The following SP4 variants were observed in gnomAD, a reference collection of about 807,000 sequenced individuals.
The protein encoded by SP4 is Sp4 transcription factor, also known as transcription factor Sp4.
In SP4, 19 loss-of-function variants were observed where a neutral mutation model predicts 72.8. The observed-to-expected ratio is 0.26, with a 90% CI of 0.18 to 0.38. The LOEUF (loss-of-function observed/expected upper bound fraction) is 0.38. Ranked by LOEUF, SP4 falls within the 10% of genes least tolerant of loss-of-function variation. SP4 has a pLI of 1.00. For missense variants in SP4, 1,008 were observed against 926.3 expected (o/e 1.09, Z -1.14); for synonymous variants, 395 against 333.1 (o/e 1.19, Z -2.02).
chr7:21,428,176 T>TCCAACCC lies in SP4; in HGVS notation c.-74_-73insAACCCCC. On this transcript the variant is annotated 5_prime_UTR_variant, in exon 1 of 6. Coordinates refer to ENST00000222584, the MANE Select transcript of SP4 (RefSeq NM_003112.5). The stretch of plus-strand genomic sequence containing the variant: ...ACCGCGGGCGGGCGGGACCGGCCTC[T>TCCAACCC]CCTCCCGCCTCGCCCCCACCCCCAC... The TCCAACCC allele has an allele frequency of 1.4e-6, 1 of 718,778 alleles. No homozygotes were observed. Among genetic ancestry groups the TCCAACCC allele is most frequent in the Non-Finnish European group, 2.5e-6 (1 of 396,142 alleles). 44.5% of individuals were successfully genotyped at this position (718,778 alleles called of 1,614,324 possible). A position where few individuals can be genotyped will look rare whatever the true frequency, so the allele number is the denominator to read the frequency against.
chr7:21,486,915 T>A (rs1784830009), intron 5 of SP4, among the ~76,000 whole-genome samples: 1 of 152,186 alleles, frequency 6.6e-6, no homozygotes, highest in Non-Finnish European at 1.5e-5. Context: ...TGGGGGGCTT[T>A]TTTACAAATA....
intron 5 of SP4, among the ~76,000 whole-genome samples, chr7:21,506,754 G>T (rs1782008742): frequency 6.6e-6 from 1 of 152,150 alleles, no homozygotes; most frequent in African/African-American, 2.4e-5. Context: ...AAAAGGCATT[G>T]CCCTACTGGG....
intron 3 of SP4, among the ~76,000 whole-genome samples, chr7:21,457,388 C>T (rs146268115): frequency 6.6e-5 from 10 of 152,128 alleles, no homozygotes; most frequent in Non-Finnish European, 1.2e-4. Flanking sequence ...ATAGTGCTAT[C>T]ATCTTCGCTT....
intron 3 of SP4, among the ~76,000 whole-genome samples, chr7:21,473,020 G>C (rs575091787): frequency 8.5e-5 from 13 of 152,212 alleles, no homozygotes; most frequent in Non-Finnish European, 1.9e-4. Context: ...TTGAATGCCA[G>C]ACTTTGGTCG....
intron 3 of SP4, among the ~76,000 whole-genome samples, chr7:21,474,189 A>C (rs897572228): frequency 1.3e-5 from 2 of 152,242 alleles, no homozygotes; most frequent in East Asian, 1.9e-4. Context: ...CCCCAGACTT[A>C]GCTTTGACTT....
chr7:21,510,899 G>A, intron 5 of SP4, 123 bp from the exon 6 acceptor site: 3 of 886,370 alleles, frequency 3.4e-6, no homozygotes, highest in Non-Finnish European at 5.0e-6. Flanking sequence ...ATAAAACAAA[G>A]CATTTTGCAA....
chr7:21,441,796 G>C (rs1783252147), intron 3 of SP4, among the ~76,000 whole-genome samples: 1 of 152,080 alleles, frequency 6.6e-6, no homozygotes, highest in South Asian at 2.1e-4. Flanking sequence ...GACATGGTAA[G>C]GGATTAGGTA....
intron 1 of SP4, 30 bp from the exon 2 acceptor site, chr7:21,428,647 G>C (rs890440113): frequency 1.5e-5 from 22 of 1,500,350 alleles, no homozygotes; most frequent in Non-Finnish European, 2.0e-5. Context: ...ACCTGTTGTC[G>C]TGTGTGTGTG....
chr7:21,482,645 T>C (rs1013174193), intron 5 of SP4: 1 of 984,786 alleles, frequency 1.0e-6, no homozygotes, highest in African/African-American at 1.7e-5. Flanking sequence ...ATGTTTACCC[T>C]TTCACCTTTC....
chr7:21,454,624 C>T (rs1346399330), intron 3 of SP4, among the ~76,000 whole-genome samples: 1 of 152,162 alleles, frequency 6.6e-6, no homozygotes, highest in Non-Finnish European at 1.5e-5. Flanking sequence ...GAAGGGGGAG[C>T]AGATGAGGTT....
intron 3 of SP4, among the ~76,000 whole-genome samples, chr7:21,443,328 C>T (rs1203340247): frequency 1.3e-5 from 2 of 151,852 alleles, no homozygotes; most frequent in Non-Finnish European, 2.9e-5. Context: ...AGAGAGTTTA[C>T]GATCGTAAAA....
At chr7:21,497,393 G>T (rs937575842) in intron 5 of SP4, among the ~76,000 whole-genome samples, 3 of 152,210 alleles carry the variant, frequency 2.0e-5, no homozygotes, top group Admixed American at 1.3e-4. Flanking sequence ...TACAAAGCTT[G>T]CTGTTCTTAC....
chr7:21,492,170 A>T (rs999856538), intron 5 of SP4, among the ~76,000 whole-genome samples: 5 of 152,334 alleles, frequency 3.3e-5, no homozygotes, highest in Admixed American at 6.5e-5. Context: ...GCCAATAGTT[A>T]AAAAGCTGCT....
At chr7:21,463,869 A>G (rs953609738) in intron 3 of SP4, among the ~76,000 whole-genome samples, 1 of 152,200 alleles carries the variant, frequency 6.6e-6, no homozygotes, top group South Asian at 2.1e-4. Flanking sequence ...TCAATTAATT[A>G]TCTTAAAAGT....
intron 3 of SP4, among the ~76,000 whole-genome samples, chr7:21,469,537 A>T (rs1357224848): frequency 7.2e-6 from 1 of 139,198 alleles, no homozygotes; most frequent in Non-Finnish European, 1.5e-5. Context: ...AAGTTTAGTT[A>T]TAATTTTTTT....
At chr7:21,501,462 A>G (rs1429056357) in intron 5 of SP4, among the ~76,000 whole-genome samples, 1 of 152,146 alleles carries the variant, frequency 6.6e-6, no homozygotes, top group Admixed American at 6.5e-5. Flanking sequence ...TTTTGTTTCT[A>G]ATAGTACCAG....
At position 21,430,209 on chromosome 7, in the gene SP4, A is replaced by G; in HGVS notation, c.1044A>G (p.Ala348=). 6.2e-7 allele frequency: 1 copy of G among 1,614,200 alleles called. No individual in the cohort carries two copies. Among genetic ancestry groups the G allele is most frequent in the Non-Finnish European group, 8.5e-7 (1 of 1,180,024 alleles). Residue 348 remains alanine (A), a synonymous_variant, in exon 3 of 6, where the codon GCA becomes GCG. Coordinates refer to ENST00000222584, the MANE Select transcript of SP4 (RefSeq NM_003112.5). ...LVSSADTGQY[A]STSASSSERT... ...GCTCAGCAGATACTGGCCAGTATGC[A>G]AGCACATCAGCCAGTAGTTCTGAAC...
intron 1 of SP4, 99 bp from the exon 2 acceptor site, chr7:21,428,578 T>G: frequency 8.9e-6 from 10 of 1,119,240 alleles, no homozygotes; most frequent in Non-Finnish European, 1.3e-5. Flanking sequence ...TGGAGATTAA[T>G]GTTCGGGGGG....
At chr7:21,490,935 C>G (rs1354470871) in intron 5 of SP4, among the ~76,000 whole-genome samples, 1 of 152,154 alleles carries the variant, frequency 6.6e-6, no homozygotes, top group Non-Finnish European at 1.5e-5. Flanking sequence ...CCTGCTAAAA[C>G]AAAAACATTT....
Sources: gnomAD v4.1 joint callset for allele counts (sites outside exome capture counted in the v4.1 genomes callset) on GRCh38, gnomAD v4.1.1 for gene constraint, MANE v1.5 for transcripts, NCBI Gene and HGNC (gene_info 2026-07-23, HGNC 2026-07-21) for gene names.